The following DLG2 variants were observed in gnomAD, a reference collection of about 807,000 sequenced individuals.
DLG2 encodes disks large homolog 2.
A neutral mutation model predicts 132.5 loss-of-function variants in DLG2; 45 were observed. The observed-to-expected ratio is 0.34, with a 90% CI of 0.27 to 0.44. The LOEUF (loss-of-function observed/expected upper bound fraction) is 0.44, where lower values mean the gene tolerates loss of function less well. Among genes scored for constraint, DLG2 ranks in the 20% least tolerant of loss-of-function variants. DLG2 has a pLI of 1.00. For missense variants in DLG2, 1,045 were observed against 1,196.9 expected, an observed-to-expected ratio of 0.87 and a Z score of 1.87; for synonymous variants, 424 against 419.6, an observed-to-expected ratio of 1.01 and a Z score of -0.13.
intron 8 of DLG2, among the ~76,000 whole-genome samples, chr11:84,237,288 T>G (rs1025677889): frequency 6.6e-5 from 10 of 152,194 alleles, no homozygotes; most frequent in Admixed American, 1.3e-4. Flanking sequence ...TGAGAGCCAC[T>G]GCTTTGAGAC....
At chr11:83,485,791 C>T (rs2093462691) in intron 21 of DLG2, among the ~76,000 whole-genome samples, 1 of 152,034 alleles carries the variant, frequency 6.6e-6, no homozygotes, top group Non-Finnish European at 1.5e-5. Flanking sequence ...TATCAAATAT[C>T]CATTTTGGTA....
At chr11:84,529,877 C>A (rs923407551) in intron 7 of DLG2, among the ~76,000 whole-genome samples, 4 of 152,120 alleles carry the variant, frequency 2.6e-5, no homozygotes, top group African/African-American at 9.7e-5. Flanking sequence ...GTATCACATT[C>A]TTGGACTTCA....
chr11:85,106,886 C>G (rs1465527821), intron 6 of DLG2, among the ~76,000 whole-genome samples: 5 of 151,992 alleles, frequency 3.3e-5, no homozygotes, highest in African/African-American at 1.2e-4. Context: ...CAACTTAAGG[C>G]AACTTCCCAT....
intron 5 of DLG2, among the ~76,000 whole-genome samples, chr11:85,144,798 A>T (rs575566217): frequency 6.6e-6 from 1 of 152,068 alleles, no homozygotes; most frequent in East Asian, 1.9e-4. Flanking sequence ...AATATGTTGT[A>T]GTTATTATTT....
chr11:84,027,679 T>C (rs554127333), intron 11 of DLG2, among the ~76,000 whole-genome samples: 27 of 152,114 alleles, frequency 1.8e-4, no homozygotes, highest in African/African-American at 6.0e-4. Context: ...CATTCACTTA[T>C]TAACTCTCAC....
At chr11:84,950,289 A>C (rs936170590) in intron 6 of DLG2, among the ~76,000 whole-genome samples, 1 of 152,220 alleles carries the variant, frequency 6.6e-6, no homozygotes, top group Admixed American at 6.5e-5. Context: ...AGATTAATAA[A>C]AAAAAATCTA....
At chr11:83,511,113 C>CACACACA (rs1400419133) in intron 21 of DLG2, among the ~76,000 whole-genome samples, 1 of 150,246 alleles carries the variant, frequency 6.7e-6, no homozygotes, top group Non-Finnish European at 1.5e-5. Context: ...CACACACACA[C>CACACACA]ATTCTTTTCT....
intron 7 of DLG2, among the ~76,000 whole-genome samples, chr11:84,276,529 T>A (rs76403215): frequency 0.07 from 10,667 of 152,308 alleles, 495 homozygotes; most frequent in Non-Finnish European, 0.1. Context: ...TAATATTATG[T>A]CAATCCTCTG....
In DLG2 at chr11:85,570,381, T is replaced by C. The variant is rs190942860; in HGVS notation, c.40+28276A>G. ...GATTCTGCTGTTATTGGTGGATTGT[T>C]CTATAGATGTCTGTTAGGTCCACTT... On this transcript the variant is annotated intron_variant, in intron 3 of 27. Coordinates refer to ENST00000376104, the MANE Select transcript of DLG2 (RefSeq NM_001142699.3). 1.6e-3 allele frequency among the ~76,000 whole-genome samples: 241 copies of C among 152,308 alleles called. 1 individual carries two copies. Among genetic ancestry groups the C allele is most frequent in the African/African-American group, 5.7e-3 (235 of 41,588 alleles).
At chr11:84,196,398 G>A (rs77892201) in intron 8 of DLG2, among the ~76,000 whole-genome samples, 7,153 of 152,260 alleles carry the variant, frequency 0.047, 208 homozygotes, top group Non-Finnish European at 0.06. Flanking sequence ...AGAACTGTGT[G>A]AGAAAGTGTT....
intron 18 of DLG2, among the ~76,000 whole-genome samples, chr11:83,753,924 A>G (rs1593706224): frequency 7.2e-6 from 1 of 138,436 alleles, no homozygotes; most frequent in South Asian, 2.2e-4. Context: ...TTTCATATAT[A>G]TAGTGTCTAT....
chr11:84,613,148 A>G (rs1254588494), intron 6 of DLG2, among the ~76,000 whole-genome samples: 2 of 152,108 alleles, frequency 1.3e-5, no homozygotes, highest in Non-Finnish European at 2.9e-5. Flanking sequence ...TCCTAGCAAC[A>G]CTATCAGGAC....
intron 3 of DLG2, among the ~76,000 whole-genome samples, chr11:85,496,121 T>C (rs2093662959): frequency 1.3e-5 from 2 of 152,186 alleles, no homozygotes; most frequent in Non-Finnish European, 2.9e-5. Context: ...GAAGTGCAAC[T>C]GGTTGGGGGA....
chr11:84,037,148 A>G (rs2095889033), intron 11 of DLG2, among the ~76,000 whole-genome samples: 1 of 152,162 alleles, frequency 6.6e-6, no homozygotes, highest in Non-Finnish European at 1.5e-5. Flanking sequence ...ATCTTTTATT[A>G]GTGAATGCAA....
chr11:85,263,761 T>C (rs1283565198), intron 4 of DLG2, among the ~76,000 whole-genome samples: 1 of 152,058 alleles, frequency 6.6e-6, no homozygotes, highest in East Asian at 1.9e-4. Flanking sequence ...CAATGAGAGA[T>C]TGGAGCTGGA....
At chr11:84,373,403 C>T (rs2154430467) in intron 7 of DLG2, among the ~76,000 whole-genome samples, 1 of 151,924 alleles carries the variant, frequency 6.6e-6, no homozygotes, top group East Asian at 1.9e-4. Flanking sequence ...AACCCCGTCT[C>T]TACTAAAAAT....
intron 17 of DLG2, among the ~76,000 whole-genome samples, chr11:83,832,256 G>A (rs1212613834): frequency 6.6e-6 from 1 of 152,084 alleles, no homozygotes; most frequent in Non-Finnish European, 1.5e-5. Flanking sequence ...TATAACAAAA[G>A]GAAAATAATA....
In DLG2 at chr11:83,548,434, T is replaced by G. The variant is rs1337202599; in HGVS notation, c.1941-6576A>C. On this transcript the variant is annotated intron_variant, in intron 19 of 27. Coordinates refer to ENST00000376104, the MANE Select transcript of DLG2 (RefSeq NM_001142699.3). Reference sequence around the variant, plus strand: ...TTTGAAAATGGAGGAAGCAAATTTGTCACGGCAGTAATGTAAAGCTAAAAC... The same window carrying G: ...TTTGAAAATGGAGGAAGCAAATTTGGCACGGCAGTAATGTAAAGCTAAAAC... Among the ~76,000 whole-genome samples the G allele has an allele frequency of 2.0e-5, 3 of 152,198 alleles. No individual in the cohort carries two copies. The East Asian group carries it at 5.8e-4, about 29-fold the overall frequency.
chr11:84,254,120 G>A (rs534634071), intron 7 of DLG2, among the ~76,000 whole-genome samples: 87 of 152,172 alleles, frequency 5.7e-4, no homozygotes, highest in Non-Finnish European at 1.1e-3. Flanking sequence ...TCCAAGAATA[G>A]ACTGAAAACT....
Sources: gnomAD v4.1 joint callset for allele counts (sites outside exome capture counted in the v4.1 genomes callset) on GRCh38, gnomAD v4.1.1 for gene constraint, MANE v1.5 for transcripts, NCBI Gene and HGNC (gene_info 2026-07-23, HGNC 2026-07-21) for gene names.